The following OR51E1 variants were observed in gnomAD, a reference collection of about 807,000 sequenced individuals.
The protein encoded by OR51E1 is olfactory receptor 51E1.
OR51E1 carries 9 observed loss-of-function variants against 11.5 expected under a neutral mutation model. That is an observed-to-expected ratio of 0.78 (90% confidence interval 0.47 to 1.37). The LOEUF (loss-of-function observed/expected upper bound fraction) is 1.37, where lower values mean the gene tolerates loss of function less well. OR51E1 is among the 40% of genes most tolerant of loss of function. The pLI, the probability that OR51E1 is intolerant of heterozygous loss-of-function variation, is 0.00. For missense variants in OR51E1, 397 were observed against 410.2 expected, an observed-to-expected ratio of 0.97 and a Z score of 0.28; for synonymous variants, 168 against 158.3, an observed-to-expected ratio of 1.06 and a Z score of -0.46.
intron 1 of OR51E1, among the ~76,000 whole-genome samples, chr11:4,652,174 G>A (rs531602907): frequency 2.0e-5 from 3 of 152,298 alleles, no homozygotes; most frequent in African/African-American, 7.2e-5. Flanking sequence ...TATCACCTAA[G>A]ATTCTTTTAT....
intron 1 of OR51E1, among the ~76,000 whole-genome samples, chr11:4,645,357 A>G (rs545968041): frequency 9.2e-5 from 14 of 152,290 alleles, no homozygotes; most frequent in Admixed American, 7.8e-4. Flanking sequence ...CGCCACTGCC[A>G]TGGCTTAAAT....
intron 1 of OR51E1, among the ~76,000 whole-genome samples, chr11:4,646,478 G>A (rs1847031948): frequency 6.6e-6 from 1 of 152,168 alleles, no homozygotes; most frequent in East Asian, 1.9e-4. Context: ...GTAAAGCAAT[G>A]GATTTAGCAC....
chr11:4,645,603 C>G (rs972174735), intron 1 of OR51E1, among the ~76,000 whole-genome samples: 3 of 152,206 alleles, frequency 2.0e-5, no homozygotes, highest in African/African-American at 7.2e-5. Context: ...GTACACTGAT[C>G]AAAATCCCAC....
At position 4,653,515 on chromosome 11, in the gene OR51E1, A is replaced by G. The variant is rs1847132334; in HGVS notation, c.*32A>G. ...GTGATCAAACTTCTTTTCCATTCAG[A>G]GTCCTCTGATTCAGATTTTAATGTT... is the stretch of plus-strand genomic sequence containing the variant. On this transcript the variant is annotated 3_prime_UTR_variant, in exon 2 of 2. Transcript: ENST00000396952. 2 of 1,312,846 alleles carry G rather than the reference A, an allele frequency of 1.5e-6. No individual in the cohort carries two copies. Among genetic ancestry groups the G allele is most frequent in the South Asian group, 1.3e-5 (1 of 75,300 alleles). The allele number at this position is 1,312,846 out of a possible 1,614,324, so 81.3% of individuals were successfully genotyped here. A position where few individuals can be genotyped will look rare whatever the true frequency, so the allele number is the denominator to read the frequency against.
Position 4,655,077 on chromosome 11 carries a change from C to T in OR51E1, c.*1594C>T, listed in dbSNP as rs1474261928. 1.2e-5 allele frequency: 2 copies of T among 167,080 alleles called. No homozygotes were observed. Among genetic ancestry groups the T allele is most frequent in the South Asian group, 2.1e-4 (1 of 4,832 alleles). 10.3% of individuals were successfully genotyped at this position (167,080 alleles called of 1,614,324 possible). Reference sequence around the variant, plus strand: ...TCTGTTCATCATTGACTGCTCTTTGCTCATCATTGAATCCCCCAGCAAAGT... The same window carrying T: ...TCTGTTCATCATTGACTGCTCTTTGTTCATCATTGAATCCCCCAGCAAAGT... On this transcript the variant is annotated 3_prime_UTR_variant, in exon 2 of 2. Coordinates refer to ENST00000396952, the MANE Select transcript of OR51E1 (RefSeq NM_152430.4).
chr11:4,644,697 G>A (rs1259343462), intron 1 of OR51E1, among the ~76,000 whole-genome samples: 2 of 152,104 alleles, frequency 1.3e-5, no homozygotes, highest in Non-Finnish European at 2.9e-5. Context: ...TCCAAACAAG[G>A]TCTGTTCTCT....
intron 1 of OR51E1, among the ~76,000 whole-genome samples, chr11:4,648,773 T>C (rs1466829230): frequency 2.0e-5 from 3 of 152,178 alleles, no homozygotes; most frequent in African/African-American, 7.2e-5. Context: ...GGATCTTAGG[T>C]CTATCCTGCT....
intron 1 of OR51E1, among the ~76,000 whole-genome samples, chr11:4,645,506 C>T (rs1459351955): frequency 6.6e-6 from 1 of 152,192 alleles, no homozygotes; most frequent in Non-Finnish European, 1.5e-5. Flanking sequence ...GTCTCAATTT[C>T]TCCCCATCCT....
rs1376263167 is a variant in OR51E1, at chr11:4,655,025, G to A, written c.*1542G>A. On this transcript the variant is annotated 3_prime_UTR_variant, in exon 2 of 2. Coordinates refer to ENST00000396952, the MANE Select transcript of OR51E1 (RefSeq NM_152430.4). ...TTGCTGCTGGACTGTAAGCCCATGA[G>A]GGCACTGTTTATTATTGAATGTCAT... 1.8e-5 allele frequency: 3 copies of A among 166,940 alleles called. No individual in the cohort carries two copies. Among genetic ancestry groups the A allele is most frequent in the South Asian group, 2.1e-4 (1 of 4,826 alleles). 10.3% of individuals were successfully genotyped at this position (166,940 alleles called of 1,614,324 possible).
At chr11:4,651,342 C>G (rs968091848) in intron 1 of OR51E1, among the ~76,000 whole-genome samples, 18 of 152,068 alleles carry the variant, frequency 1.2e-4, no homozygotes, top group African/African-American at 4.1e-4. Context: ...AGTACATGGC[C>G]ATGAGAAGAA....
Position 4,653,606 on chromosome 11 carries a change from A to G in OR51E1, c.*123A>G. 5 of 584,148 alleles carry G rather than the reference A, an allele frequency of 8.6e-6. No individual in the cohort carries two copies. The highest frequency in any genetic ancestry group is 2.5e-5 in the South Asian group (1 of 39,360). 36.2% of individuals were successfully genotyped at this position (584,148 alleles called of 1,614,324 possible). Reference sequence around the variant, plus strand: ...ATAAAAATACAACTCAGATCCTTCAAATATGAAACTGGTTGGGGAATCTCC... The same window carrying G: ...ATAAAAATACAACTCAGATCCTTCAGATATGAAACTGGTTGGGGAATCTCC... On this transcript the variant is annotated 3_prime_UTR_variant, in exon 2 of 2. Coordinates refer to ENST00000396952, the MANE Select transcript of OR51E1 (RefSeq NM_152430.4).
chr11:4,648,984 T>C (rs11821431), intron 1 of OR51E1, among the ~76,000 whole-genome samples: 3,325 of 152,264 alleles, frequency 0.022, 116 homozygotes, highest in African/African-American at 0.076. Context: ...CTCATCCTTC[T>C]CAAAAGTCTC....
Position 4,653,550 on chromosome 11 carries a change from G to A in OR51E1, c.*67G>A. On this transcript the variant is annotated 3_prime_UTR_variant, in exon 2 of 2. Coordinates refer to ENST00000396952, the MANE Select transcript of OR51E1 (RefSeq NM_152430.4). ...TTCAGATTTTAATGTTAACATTTTGGAAGACAGTATTCAGAAAAAAAATTT... is the reference window on the plus strand; with the variant it reads ...TTCAGATTTTAATGTTAACATTTTGAAAGACAGTATTCAGAAAAAAAATTT... 2.0e-6 allele frequency: 2 copies of A among 1,021,354 alleles called. No homozygotes were observed. Among genetic ancestry groups the A allele is most frequent in the Non-Finnish European group, 2.9e-6 (2 of 690,718 alleles). 63.3% of individuals were successfully genotyped at this position (1,021,354 alleles called of 1,614,324 possible).
At position 4,653,139 on chromosome 11, in the gene OR51E1, GTCA is replaced by G. The variant is rs2133227962; in HGVS notation, c.619_621del (p.Ile207del). ...GGTCAATGTCGTCTATGGCCTTATCGTCATCATCTCCGCCATTGGCCTGGACTC... is the reference window on the plus strand; with the variant it reads ...GGTCAATGTCGTCTATGGCCTTATCGTCATCTCCGCCATTGGCCTGGACTC... On this transcript the variant is annotated inframe_deletion, in exon 2 of 2. Coordinates refer to ENST00000396952, the MANE Select transcript of OR51E1 (RefSeq NM_152430.4). The G allele has an allele frequency of 1.9e-6, 3 of 1,613,662 alleles. No homozygotes were observed. Among genetic ancestry groups the G allele is most frequent in the East Asian group, 4.5e-5 (2 of 44,872 alleles).
chr11:4,644,023 C>A lies in OR51E1; in HGVS notation c.-47C>A, dbSNP rs1873974. On this transcript the variant is annotated 5_prime_UTR_variant, in exon 1 of 2. Coordinates refer to ENST00000396952, the MANE Select transcript of OR51E1 (RefSeq NM_152430.4). ...AAGGGGGTCACACATTCCTTCCATA[C>A]GGTTGAGGTGAGTGCAGGAGGCCAG... 0.12 allele frequency: 17,926 copies of A among 153,024 alleles called. 1,419 individuals are homozygous for A. Among genetic ancestry groups the A allele is most frequent in the Non-Finnish European group, 0.18 (12,050 of 68,236 alleles). 9.5% of individuals were successfully genotyped at this position (153,024 alleles called of 1,614,324 possible). A position where few individuals can be genotyped will look rare whatever the true frequency, so the allele number is the denominator to read the frequency against.
chr11:4,644,256 A>G (rs1847001027), intron 1 of OR51E1, among the ~76,000 whole-genome samples: 1 of 152,124 alleles, frequency 6.6e-6, no homozygotes, highest in Non-Finnish European at 1.5e-5. Flanking sequence ...GTAGTTTTCA[A>G]GCAGTTTTTC....
At chr11:4,648,649 T>A (rs1847057165) in intron 1 of OR51E1, among the ~76,000 whole-genome samples, 1 of 152,326 alleles carries the variant, frequency 6.6e-6, no homozygotes. Context: ...GCACATTTTT[T>A]AAATCCTGAG....
rs1460899369 is a variant in OR51E1, at chr11:4,654,819, A to G, written c.*1336A>G. On this transcript the variant is annotated 3_prime_UTR_variant, in exon 2 of 2. Coordinates refer to ENST00000396952, the MANE Select transcript of OR51E1 (RefSeq NM_152430.4). ...GTTAATAGGTTTCATCTTCAACAGG[A>G]TATGACAACAGTGTTAACCAAGAAA... 1.8e-5 allele frequency: 3 copies of G among 167,156 alleles called. No homozygotes were observed. Among genetic ancestry groups the G allele is most frequent in the Non-Finnish European group, 4.4e-5 (3 of 68,132 alleles). 10.4% of individuals were successfully genotyped at this position (167,156 alleles called of 1,614,324 possible).
chr11:4,645,418 G>T (rs894634194), intron 1 of OR51E1, among the ~76,000 whole-genome samples: 1 of 152,172 alleles, frequency 6.6e-6, no homozygotes, highest in Non-Finnish European at 1.5e-5. Flanking sequence ...CTGAGCTATT[G>T]TTGTCTTTGC....
Sources: allele counts gnomAD v4.1 joint callset (sites outside exome capture counted in the v4.1 genomes callset), GRCh38; gene constraint gnomAD v4.1.1; transcripts MANE v1.5; gene names NCBI Gene and HGNC (gene_info 2026-07-23, HGNC 2026-07-21).